Variants in OMA1 observed in about 807,000 individuals in gnomAD.
The protein encoded by OMA1 is OMA1 zinc metallopeptidase.
In OMA1, 38 loss-of-function variants were observed where a neutral mutation model predicts 30.9. The observed-to-expected ratio is 1.23, with a 90% confidence interval of 0.95 to 1.61. The LOEUF (loss-of-function observed/expected upper bound fraction) is 1.61, where lower values mean the gene tolerates loss of function less well. Ranked by LOEUF, OMA1 falls within the 40% of genes most tolerant of loss-of-function variation. The probability of loss-of-function intolerance (pLI) is 0.00; values close to 1 mark genes in which losing one functional copy is unlikely to be tolerated. For missense variants in OMA1, 461 were observed against 349.2 expected, an observed-to-expected ratio of 1.32 and a Z score of -2.55; for synonymous variants, 173 against 121.9, an observed-to-expected ratio of 1.42 and a Z score of -2.76.
At chr1:58,538,344 C>A (rs1646550376) in intron 2 of OMA1, among the ~76,000 whole-genome samples, 2 of 152,166 alleles carry the variant, frequency 1.3e-5, no homozygotes, top group South Asian at 4.1e-4. Flanking sequence ...TGAGCCCACC[C>A]TTATATAAGC....
chr1:58,500,446 T>C (rs553644903), intron 8 of OMA1, among the ~76,000 whole-genome samples: 19 of 152,306 alleles, frequency 1.2e-4, no homozygotes, highest in African/African-American at 4.6e-4. Context: ...ATTTACTTTG[T>C]CCAATTATAA....
chr1:58,485,228 T>TAAAAAAAAAAAAAAAAAAAAAAA (rs71043289), intron 8 of OMA1, among the ~76,000 whole-genome samples: 2 of 42,034 alleles, frequency 4.8e-5, no homozygotes, highest in Non-Finnish European at 8.3e-5. Flanking sequence ...AGTCTACTAC[T>TAAAAAAAAAAAAAAAAAAAAAAA]AAAAAAAAAA....
intron 8 of OMA1, among the ~76,000 whole-genome samples, chr1:58,502,022 C>T (rs996551071): frequency 4.6e-5 from 7 of 151,506 alleles, no homozygotes; most frequent in Non-Finnish European, 1.0e-4. Flanking sequence ...CTATTTATTT[C>T]ACATCACCTA....
intron 8 of OMA1, among the ~76,000 whole-genome samples, chr1:58,499,997 A>G (rs1217270591): frequency 6.6e-6 from 1 of 152,170 alleles, no homozygotes; most frequent in African/African-American, 2.4e-5. Context: ...AATGCCAGAG[A>G]GTCTTCACGA....
At chr1:58,487,790 C>G (rs961896136) in intron 8 of OMA1, among the ~76,000 whole-genome samples, 5 of 152,138 alleles carry the variant, frequency 3.3e-5, no homozygotes, top group African/African-American at 9.7e-5. Context: ...TCCCCTCCCC[C>G]CTCAACACAC....
chr1:58,512,706 G>T (rs1324538061), intron 7 of OMA1, among the ~76,000 whole-genome samples: 1 of 152,150 alleles, frequency 6.6e-6, no homozygotes, highest in Non-Finnish European at 1.5e-5. Context: ...TAGCAAGCTT[G>T]TAGAAGTAGA....
chr1:58,483,723 A>G (rs1645527560), intron 8 of OMA1, among the ~76,000 whole-genome samples: 1 of 152,192 alleles, frequency 6.6e-6, no homozygotes, highest in Admixed American at 6.5e-5. Flanking sequence ...CCAAACTGGG[A>G]TACCTTTGAG....
chr1:58,544,630 C>T (rs1430264485), intron 1 of OMA1, among the ~76,000 whole-genome samples: 1 of 152,148 alleles, frequency 6.6e-6, no homozygotes, highest in African/African-American at 2.4e-5. Context: ...CTCACTTTGT[C>T]GTTGTCCAGG....
chr1:58,491,183 G>T (rs1480307032), intron 8 of OMA1, among the ~76,000 whole-genome samples: 1 of 151,994 alleles, frequency 6.6e-6, no homozygotes, highest in African/African-American at 2.4e-5. Flanking sequence ...AAGTGAAGGA[G>T]AAATAAAATA....
chr1:58,485,626 T>A (rs1426189882), intron 8 of OMA1, among the ~76,000 whole-genome samples: 1 of 152,114 alleles, frequency 6.6e-6, no homozygotes, highest in East Asian at 1.9e-4. Context: ...CCTTTCCATA[T>A]TCATTTTATA....
chr1:58,530,770 T>C (rs371846822), intron 5 of OMA1, 41 bp from the exon 6 acceptor site: 1 of 855,908 alleles, frequency 1.2e-6, no homozygotes, highest in Non-Finnish European at 2.0e-6. Context: ...TTTTATACAT[T>C]GAGACAGTAT....
At chr1:58,517,540 C>A (rs1166327136) in intron 7 of OMA1, among the ~76,000 whole-genome samples, 2 of 152,122 alleles carry the variant, frequency 1.3e-5, no homozygotes, top group African/African-American at 4.8e-5. Context: ...CTTGAGAGAT[C>A]CCTCAAGTTA....
At chr1:58,541,783 G>A (rs1646625647) in intron 1 of OMA1, among the ~76,000 whole-genome samples, 1 of 152,022 alleles carries the variant, frequency 6.6e-6, no homozygotes, top group Admixed American at 6.6e-5. Flanking sequence ...CTTGCTGAAG[G>A]ATCTGTTCAT....
chr1:58,489,247 T>C (rs1025993258), intron 8 of OMA1, among the ~76,000 whole-genome samples: 1 of 152,176 alleles, frequency 6.6e-6, no homozygotes. Context: ...CCCACCCTAA[T>C]ACTGCAATTT....
chr1:58,496,011 C>G (rs1390680936), intron 8 of OMA1, among the ~76,000 whole-genome samples: 2 of 152,078 alleles, frequency 1.3e-5, no homozygotes, highest in African/African-American at 4.8e-5. Context: ...CTCTGGGAAT[C>G]TCCTAAAAAC....
At chr1:58,520,753 G>C (rs561450743) in intron 7 of OMA1, among the ~76,000 whole-genome samples, 2 of 151,992 alleles carry the variant, frequency 1.3e-5, no homozygotes, top group African/African-American at 2.4e-5. Flanking sequence ...CAATCCACTA[G>C]GAAAATCTAA....
chr1:58,507,333 G>A (rs1220665167), intron 7 of OMA1, among the ~76,000 whole-genome samples: 1 of 151,772 alleles, frequency 6.6e-6, no homozygotes, highest in Non-Finnish European at 1.5e-5. Context: ...ATTTATAATA[G>A]TGTAATTGTG....
At chr1:58,542,672 C>T (rs1646640406) in intron 1 of OMA1, among the ~76,000 whole-genome samples, 1 of 152,162 alleles carries the variant, frequency 6.6e-6, no homozygotes, top group Non-Finnish European at 1.5e-5. Context: ...ACAACCCAAG[C>T]CCACTTTCTT....
chr1:58,506,584 C>G (rs551273292), intron 7 of OMA1, among the ~76,000 whole-genome samples: 19 of 152,148 alleles, frequency 1.2e-4, no homozygotes, highest in African/African-American at 4.3e-4. Flanking sequence ...TCACAATAAC[C>G]CTGCTAACCA....
Sources: gnomAD v4.1 joint callset for allele counts (sites outside exome capture counted in the v4.1 genomes callset) on GRCh38, gnomAD v4.1.1 for gene constraint, MANE v1.5 for transcripts, NCBI Gene and HGNC (gene_info 2026-07-23, HGNC 2026-07-21) for gene names.